The following CNTN5 variants were observed in gnomAD, a reference collection of about 807,000 sequenced individuals.
CNTN5 encodes the protein contactin-5.
A neutral mutation model predicts 129.1 loss-of-function variants in CNTN5; 77 were observed. The observed-to-expected ratio is 0.60, with a 90% CI of 0.50 to 0.72. CNTN5 has a LOEUF of 0.72. Ranked by LOEUF, CNTN5 falls within the 30% of genes least tolerant of loss-of-function variation. CNTN5 has a pLI of 0.00. For synonymous variants in CNTN5, 509 were observed against 465.6 expected (o/e 1.09, Z -1.20); for missense variants, 1,478 against 1,328.8 (o/e 1.11, Z -1.75).
At chr11:99,871,180 C>T (rs989490735) in intron 6 of CNTN5, among the ~76,000 whole-genome samples, 3 of 151,744 alleles carry the variant, frequency 2.0e-5, no homozygotes, top group Non-Finnish European at 4.4e-5. Context: ...ATCACTAAGC[C>T]CTAGGTAATA....
chr11:100,196,390 G>A lies in CNTN5; in HGVS notation c.1884+2727G>A, dbSNP rs148797687. Among the ~76,000 whole-genome samples the A allele has an allele frequency of 5.7e-3, 862 of 152,054 alleles. 10 individuals carry two copies. Among genetic ancestry groups the A allele is most frequent in the African/African-American group, 0.019 (808 of 41,500 alleles). The stretch of plus-strand genomic sequence containing the variant: ...TGATGTTCCCTATTTTTCAACTGTT[G>A]TACTGGTATCTTTTATACACAGACA... On this transcript the variant is annotated intron_variant, in intron 15 of 24. Coordinates refer to ENST00000524871, the MANE Select transcript of CNTN5 (RefSeq NM_014361.4).
At chr11:99,716,725 TTAAG>T (rs1955252729) in intron 3 of CNTN5, among the ~76,000 whole-genome samples, 1 of 152,090 alleles carries the variant, frequency 6.6e-6, no homozygotes, top group South Asian at 2.1e-4. Context: ...CTCAATATTT[TTAAG>T]TAATTTGTTT....
chr11:100,107,172 C>CT (rs1411433813), intron 13 of CNTN5, among the ~76,000 whole-genome samples: 1 of 152,128 alleles, frequency 6.6e-6, no homozygotes, highest in Non-Finnish European at 1.5e-5. Context: ...CCCAAGACCA[C>CT]TTTTTCCTCA....
intron 1 of CNTN5, among the ~76,000 whole-genome samples, chr11:99,254,062 G>T (rs1339787665): frequency 2.0e-5 from 3 of 151,632 alleles, no homozygotes; most frequent in African/African-American, 7.3e-5. Flanking sequence ...TCATTTAAAA[G>T]ATTGCAGTAA....
intron 1 of CNTN5, among the ~76,000 whole-genome samples, chr11:99,034,366 C>A (rs1484815365): frequency 1.3e-5 from 2 of 151,768 alleles, no homozygotes; most frequent in African/African-American, 4.9e-5. Flanking sequence ...CCTTGTACCT[C>A]TGGTAGAATT....
chr11:99,217,308 G>A (rs1378350530), intron 1 of CNTN5, among the ~76,000 whole-genome samples: 3 of 152,132 alleles, frequency 2.0e-5, no homozygotes, highest in Admixed American at 1.3e-4. Context: ...ACACACAGAT[G>A]GCCAACAGTT....
At chr11:99,532,981 G>T (rs1324379371) in intron 2 of CNTN5, among the ~76,000 whole-genome samples, 1 of 152,174 alleles carries the variant, frequency 6.6e-6, no homozygotes, top group African/African-American at 2.4e-5. Context: ...CCAGCACTTT[G>T]GGAGGCTGTG....
chr11:99,798,023 A>G (rs529418648), intron 3 of CNTN5, among the ~76,000 whole-genome samples: 2 of 152,100 alleles, frequency 1.3e-5, no homozygotes, highest in Non-Finnish European at 2.9e-5. Context: ...AACTTGTGTC[A>G]TGGAGGTTTG....
chr11:99,248,032 G>A (rs537630279), intron 1 of CNTN5, among the ~76,000 whole-genome samples: 13 of 152,238 alleles, frequency 8.5e-5, no homozygotes, highest in Admixed American at 3.9e-4. Flanking sequence ...CTGAGGAATC[G>A]CCACACTGAC....
At chr11:100,000,394 C>A (rs1396934185) in intron 8 of CNTN5, among the ~76,000 whole-genome samples, 4 of 152,186 alleles carry the variant, frequency 2.6e-5, no homozygotes, top group Admixed American at 6.5e-5. Context: ...TCTTAAAGCA[C>A]CAAAATAGTC....
intron 16 of CNTN5, among the ~76,000 whole-genome samples, chr11:100,230,870 C>T (rs565889203): frequency 6.6e-6 from 1 of 152,190 alleles, no homozygotes; most frequent in Non-Finnish European, 1.5e-5. Flanking sequence ...ATGTAATACA[C>T]ATTTGGATTT....
rs1291858718 is a variant in CNTN5 at position 100,319,153 on chromosome 11, C to CT, written c.2730+10702dup. Among the ~76,000 whole-genome samples, 955 of 137,382 alleles carry CT rather than the reference C, an allele frequency of 7.0e-3. 11 individuals are homozygous for CT. The highest frequency in any genetic ancestry group is 0.032 in the East Asian group (153 of 4,732). 90.1% of individuals were successfully genotyped at this position (137,382 alleles called of 152,430 possible). ...CTGACTTCTGTTTTCTTTTTCTTTT[C>CT]TTTTTTTTTTTTTTTTTGAGATGGA... On this transcript the variant is annotated intron_variant, in intron 21 of 24. Coordinates refer to ENST00000524871, the MANE Select transcript of CNTN5 (RefSeq NM_014361.4).
intron 12 of CNTN5, 109 bp downstream of exon 12, chr11:100,071,943 T>C (rs1411533698): frequency 9.7e-7 from 1 of 1,035,392 alleles, no homozygotes; most frequent in East Asian, 2.7e-5. Flanking sequence ...ATCTATTTTA[T>C]GGCTTGAAAA....
intron 3 of CNTN5, among the ~76,000 whole-genome samples, chr11:99,628,038 C>G (rs1951193343): frequency 6.6e-6 from 1 of 151,124 alleles, no homozygotes. Context: ...AGAATGAACC[C>G]CTGGATTTAA....
intron 3 of CNTN5, among the ~76,000 whole-genome samples, chr11:99,632,858 C>T (rs1468628158): frequency 1.3e-5 from 2 of 151,974 alleles, no homozygotes; most frequent in African/African-American, 4.8e-5. Flanking sequence ...TTGTTGAAAC[C>T]ATCCAAATGT....
intron 3 of CNTN5, among the ~76,000 whole-genome samples, chr11:99,574,253 G>A (rs1949273506): frequency 6.6e-6 from 1 of 152,144 alleles, no homozygotes; most frequent in Non-Finnish European, 1.5e-5. Context: ...TTTTACAGCT[G>A]CATAGTATTC....
At chr11:99,523,841 G>A (rs1054106935) in intron 2 of CNTN5, among the ~76,000 whole-genome samples, 3 of 152,126 alleles carry the variant, frequency 2.0e-5, no homozygotes, top group African/African-American at 7.2e-5. Flanking sequence ...CAAATGCCAA[G>A]TGGTTTCTTT....
At chr11:99,934,872 CTG>C (rs369560126) in intron 7 of CNTN5, among the ~76,000 whole-genome samples, 13 of 50,116 alleles carry the variant, frequency 2.6e-4, no homozygotes, top group African/African-American at 3.3e-4. Context: ...GAGACTCAGT[CTG>C]TGTGTGTGTG....
chr11:99,969,493 C>G (rs539399334), intron 8 of CNTN5, among the ~76,000 whole-genome samples: 1 of 152,244 alleles, frequency 6.6e-6, no homozygotes, highest in East Asian at 1.9e-4. Context: ...ACTTGACACT[C>G]AATTCTGCTG....
Sources: gnomAD v4.1 joint callset for allele counts (sites outside exome capture counted in the v4.1 genomes callset) on GRCh38, gnomAD v4.1.1 for gene constraint, MANE v1.5 for transcripts, NCBI Gene and HGNC (gene_info 2026-07-23, HGNC 2026-07-21) for gene names.